The following ZNF197 variants were observed in gnomAD, a reference collection of about 807,000 sequenced individuals.
ZNF197 encodes the protein VHL-associated KRAB-A domain-containing protein.
ZNF197 carries 14 observed loss-of-function variants against 27.4 expected under a neutral mutation model. That is an observed-to-expected ratio of 0.51 (90% CI 0.34 to 0.80). ZNF197 has a LOEUF of 0.80. ZNF197 is among the 30% of genes least tolerant of loss of function. ZNF197 has a pLI of 0.02. For synonymous variants in ZNF197, 415 were observed against 420.0 expected (o/e 0.99, Z 0.15); for missense variants, 1,090 against 1,222.6 (o/e 0.89, Z 1.62).
chr3:44,627,208 C>G (rs1261585223), intron 1 of ZNF197, among the ~76,000 whole-genome samples: 5 of 151,992 alleles, frequency 3.3e-5, no homozygotes, highest in Non-Finnish European at 7.4e-5. Flanking sequence ...AATTTTGAAC[C>G]AAGTGAATAT....
chr3:44,644,515 G>T lies in ZNF197; in HGVS notation c.*295G>T. 1.2e-6 allele frequency: 1 copy of T among 804,178 alleles called. No individual in the cohort carries two copies. 49.8% of individuals were successfully genotyped at this position (804,178 alleles called of 1,614,324 possible). A position where few individuals can be genotyped will look rare whatever the true frequency, so the allele number is the denominator to read the frequency against. On this transcript the variant is annotated 3_prime_UTR_variant, in exon 6 of 6. Coordinates refer to ENST00000344387, the MANE Select transcript of ZNF197 (RefSeq NM_006991.5). ...TATCCGGGCATGGGGGCACACACCGGTAATCCCAGCTACTCAGGAGGCTGA... is the reference window on the plus strand; with the variant it reads ...TATCCGGGCATGGGGGCACACACCGTTAATCCCAGCTACTCAGGAGGCTGA...
At chr3:44,637,037 A>G (rs1702335297) in intron 5 of ZNF197, among the ~76,000 whole-genome samples, 1 of 152,200 alleles carries the variant, frequency 6.6e-6, no homozygotes, top group Non-Finnish European at 1.5e-5. Context: ...TTCTTTGTCT[A>G]TATTTTAACT....
chr3:44,642,319 C>A lies in ZNF197; in HGVS notation c.1189C>A (p.Pro397Thr), dbSNP rs1207995635. The A allele has an allele frequency of 6.2e-7, 1 of 1,614,050 alleles. No individual in the cohort carries two copies. The highest frequency in any genetic ancestry group is 8.5e-7 in the Non-Finnish European group (1 of 1,180,038). ...NHRRIHTGEK[P>T]HKCKECGKGF... is the part of the protein sequence containing the mutation. ...TCGGAGAATCCACACTGGTGAGAAA[C>A]CTCATAAATGTAAGGAATGTGGAAA... Residue 397 changes from proline (P) to threonine (T), a missense_variant, in exon 6 of 6, where the codon CCT becomes ACT. Transcript: ENST00000344387.
rs769054865 is a variant in ZNF197 at position 44,646,494 on chromosome 3, A to G, written c.*2274A>G. The G allele has an allele frequency of 6.3e-7, 1 of 1,579,296 alleles. No individual in the cohort carries two copies. The stretch of plus-strand genomic sequence containing the variant: ...GCTTCTTGGACCTCATTGCCAGGTT[A>G]CAGGAAATACAGGAGGCAGAGGAAC... On this transcript the variant is annotated 3_prime_UTR_variant, in exon 6 of 6. Coordinates refer to ENST00000344387, the MANE Select transcript of ZNF197 (RefSeq NM_006991.5).
At chr3:44,641,080 G>T (rs1303458202) in intron 5 of ZNF197, among the ~76,000 whole-genome samples, 1 of 152,064 alleles carries the variant, frequency 6.6e-6, no homozygotes, top group Non-Finnish European at 1.5e-5. Flanking sequence ...CTCACACTTG[G>T]GTAGTTTGAA....
Position 44,629,321 on chromosome 3 carries a change from C to G in ZNF197, c.167C>G (p.Pro56Arg), listed in dbSNP as rs1701846770. The G allele has an allele frequency of 5.6e-6, 9 of 1,614,124 alleles. No homozygotes were observed. The highest frequency in any genetic ancestry group is 7.6e-6 in the Non-Finnish European group (9 of 1,180,034). Reference protein sequence around the residue: ...RQLRYHETSGPQEALSRLREL... With the variant: ...RQLRYHETSGRQEALSRLREL... ...TTACGTTACCATGAGACATCTGGAC[C>G]CCAGGAAGCCCTGAGCCGGCTCAGG... Residue 56 changes from proline (P) to arginine (R), a missense_variant, in exon 2 of 6, where the codon CCC (proline) becomes CGC (arginine). Physicochemically the swap from Pro to Arg is moderately radical, Grantham distance 103. Coordinates refer to ENST00000344387, the MANE Select transcript of ZNF197 (RefSeq NM_006991.5).
intron 1 of ZNF197, among the ~76,000 whole-genome samples, chr3:44,625,369 T>G (rs1163255090): frequency 2.6e-5 from 4 of 152,336 alleles, no homozygotes; most frequent in African/African-American, 9.6e-5. Flanking sequence ...CTGTGTGTGT[T>G]TGTGGACCGG....
chr3:44,642,879 A>C lies in ZNF197; in HGVS notation c.1749A>C (p.Leu583Phe), dbSNP rs1702703178. 2 of 1,614,190 alleles carry C rather than the reference A, an allele frequency of 1.2e-6. No homozygotes were observed. The highest frequency in any genetic ancestry group is 8.5e-7 in the Non-Finnish European group (1 of 1,180,022). Residue 583 changes from leucine (L) to phenylalanine (F), a missense_variant, in exon 6 of 6, where the codon TTA becomes TTC. By Grantham distance (22) the Leu-to-Phe change is conservative (BLOSUM62 0). Coordinates refer to ENST00000344387, the MANE Select transcript of ZNF197 (RefSeq NM_006991.5). ...KVFIRSKSLL[L>F]HQRVHTEKKT... The stretch of plus-strand genomic sequence containing the variant: ...TCATTCGAAGCAAAAGCCTCCTCTT[A>C]CATCAGAGAGTCCACACAGAAAAGA...
At chr3:44,635,041 A>G (rs535469203) in intron 5 of ZNF197, among the ~76,000 whole-genome samples, 20 of 152,000 alleles carry the variant, frequency 1.3e-4, no homozygotes, top group Non-Finnish European at 2.2e-4. Flanking sequence ...TCAATAATCA[A>G]TCTTTCCTAA....
chr3:44,626,470 C>G (rs940411548), intron 1 of ZNF197, among the ~76,000 whole-genome samples: 2 of 152,222 alleles, frequency 1.3e-5, no homozygotes, highest in Non-Finnish European at 2.9e-5. Flanking sequence ...AGACACTTGA[C>G]AAACTGAGAA....
At chr3:44,625,577 C>T (rs977969949) in intron 1 of ZNF197, among the ~76,000 whole-genome samples, 1 of 152,090 alleles carries the variant, frequency 6.6e-6, no homozygotes, top group African/African-American at 2.4e-5. Context: ...AGGGGTGGAA[C>T]GATTTTAGCT....
chr3:44,642,547 C>T lies in ZNF197; in HGVS notation c.1417C>T (p.Leu473=), dbSNP rs1329191377. The change falls in exon 6 of 6, where the codon CTA becomes TTA. Residue 473 remains leucine, a synonymous_variant. Coordinates refer to ENST00000344387, the MANE Select transcript of ZNF197 (RefSeq NM_006991.5). ...FYRHSGLIIH[L]RRHSGERPYK... ...TAGGCACTCAGGCCTAATTATACAT[C>T]TAAGGCGCCATTCAGGGGAGAGACC... 1.2e-6 allele frequency: 2 copies of T among 1,613,752 alleles called. No homozygotes were observed. The highest frequency in any genetic ancestry group is 2.2e-5 in the East Asian group (1 of 44,868).
Position 44,646,885 on chromosome 3 carries a change from G to T in ZNF197, c.*2665G>T. 1 of 219,462 alleles carries T rather than the reference G, an allele frequency of 4.6e-6. No individual in the cohort carries two copies. The highest frequency in any genetic ancestry group is 7.8e-5 in the South Asian group (1 of 12,878). 13.6% of individuals were successfully genotyped at this position (219,462 alleles called of 1,614,324 possible). On this transcript the variant is annotated 3_prime_UTR_variant, in exon 6 of 6. Transcript: ENST00000344387. Reference sequence around the variant, plus strand: ...TTCAGCAAATACTGTTGGAGTAATTGGATATCCATAGGCAGTAAACCAACA... The same window carrying T: ...TTCAGCAAATACTGTTGGAGTAATTTGATATCCATAGGCAGTAAACCAACA...
chr3:44,642,934 A>C lies in ZNF197; in HGVS notation c.1804A>C (p.Ile602Leu). 1 of 1,614,020 alleles carries C rather than the reference A, an allele frequency of 6.2e-7. No homozygotes were observed. The highest frequency in any genetic ancestry group is 8.5e-7 in the Non-Finnish European group (1 of 1,180,004). Reference protein sequence around the residue: ...KTFGCKKCGKIFSSKSNFIDH... With the variant: ...KTFGCKKCGKLFSSKSNFIDH... ...CTTTGGTTGTAAAAAGTGTGGGAAGATTTTCAGTTCTAAGTCAAACTTCAT... is the reference window on the plus strand; with the variant it reads ...CTTTGGTTGTAAAAAGTGTGGGAAGCTTTTCAGTTCTAAGTCAAACTTCAT... The change falls in exon 6 of 6, where the codon ATT (isoleucine) becomes CTT (leucine). Residue 602 changes from isoleucine to leucine, a missense_variant. Physicochemically the swap from Ile to Leu is conservative, Grantham distance 5 (BLOSUM62 2). Transcript: ENST00000344387.
rs549971414 is a variant in ZNF197, at chr3:44,637,558, G to A, written c.770-4342G>A. 5.3e-5 allele frequency among the ~76,000 whole-genome samples: 8 copies of A among 152,086 alleles called. 1 individual carries two copies. The highest frequency in any genetic ancestry group is 2.1e-4 in the South Asian group (1 of 4,814). On this transcript the variant is annotated intron_variant, in intron 5 of 5. Coordinates refer to ENST00000344387, the MANE Select transcript of ZNF197 (RefSeq NM_006991.5). ...AAGAAACCATCACTAATCTAGGGCC[G>A]GGAAGATTTATGTCTATGTTTTCTT...
chr3:44,635,151 A>G (rs888994791), intron 5 of ZNF197, among the ~76,000 whole-genome samples: 2 of 151,270 alleles, frequency 1.3e-5, no homozygotes, highest in African/African-American at 2.4e-5. Flanking sequence ...AATTCCAGAT[A>G]GGTCTAAGAG....
intron 5 of ZNF197, among the ~76,000 whole-genome samples, chr3:44,634,808 A>G (rs1027434158): frequency 1.3e-5 from 2 of 152,132 alleles, no homozygotes; most frequent in African/African-American, 4.8e-5. Flanking sequence ...CTTGATATTT[A>G]TCAATATATC....
chr3:44,636,676 G>T (rs746251935), intron 5 of ZNF197, among the ~76,000 whole-genome samples: 1 of 152,102 alleles, frequency 6.6e-6, no homozygotes, highest in Admixed American at 6.6e-5. Context: ...TGCTATGAAC[G>T]TTTGTGTATA....
rs1702822173 is a variant in ZNF197 at position 44,644,277 on chromosome 3, G to C, written c.*57G>C. ...CTACTTAAGTAACTGTTGGACAAATGATATATATTTCTTCTAAGGAAAAAG... is the reference window on the plus strand; with the variant it reads ...CTACTTAAGTAACTGTTGGACAAATCATATATATTTCTTCTAAGGAAAAAG... On this transcript the variant is annotated 3_prime_UTR_variant, in exon 6 of 6. Coordinates refer to ENST00000344387, the MANE Select transcript of ZNF197 (RefSeq NM_006991.5). The C allele has an allele frequency of 2.6e-5, 40 of 1,523,286 alleles. No homozygotes were observed. Among genetic ancestry groups the C allele is most frequent in the Non-Finnish European group, 3.3e-5 (38 of 1,141,554 alleles). 94.4% of individuals were successfully genotyped at this position (1,523,286 alleles called of 1,614,324 possible). A position where few individuals can be genotyped will look rare whatever the true frequency, so the allele number is the denominator to read the frequency against.
Sources: gnomAD v4.1 joint callset for allele counts (sites outside exome capture counted in the v4.1 genomes callset) on GRCh38, gnomAD v4.1.1 for gene constraint, MANE v1.5 for transcripts, NCBI Gene and HGNC (gene_info 2026-07-23, HGNC 2026-07-21) for gene names.